Variants in TDRD3 observed in about 807,000 individuals in gnomAD.
The protein encoded by TDRD3 is tudor domain containing 3, also known as tudor domain-containing protein 3.
In TDRD3, 45 loss-of-function variants were observed where a neutral mutation model predicts 86.7. That is an observed-to-expected ratio of 0.52 (90% CI 0.41 to 0.67). The LOEUF is 0.67. TDRD3 is among the 30% of genes least tolerant of loss of function. TDRD3 has a pLI of 0.00. For synonymous variants in TDRD3, 298 were observed against 301.7 expected (o/e 0.99, Z 0.13); for missense variants, 814 against 889.0 (o/e 0.92, Z 1.07).
At position 60,509,930 on chromosome 13, in the gene TDRD3, T is replaced by G; in HGVS notation, c.1015+11T>G. ...GTCCTCCTCTGAGAGGTATAATTTA[T>G]TAAGCAGTGTGCCAGATAGTATTGT... is the stretch of plus-strand genomic sequence containing the variant. On this transcript the variant is annotated intron_variant, in intron 9 of 13. Transcript: ENST00000377881. 6.2e-7 allele frequency: 1 copy of G among 1,612,158 alleles called. No homozygotes were observed. Among genetic ancestry groups the G allele is most frequent in the Non-Finnish European group, 8.5e-7 (1 of 1,179,042 alleles).
At chr13:60,502,686 G>T (rs1416528881) in intron 8 of TDRD3, among the ~76,000 whole-genome samples, 1 of 152,080 alleles carries the variant, frequency 6.6e-6, no homozygotes, top group African/African-American at 2.4e-5. Flanking sequence ...GGAGCTCCTG[G>T]TCCTGTTAGA....
chr13:60,480,942 G>T (rs1210088704), intron 5 of TDRD3, among the ~76,000 whole-genome samples: 2 of 152,096 alleles, frequency 1.3e-5, no homozygotes, highest in Non-Finnish European at 2.9e-5. Context: ...TGGTAGTTGG[G>T]TTGTCTTGGG....
chr13:60,541,836 TCTTGCCTCAACCTC>T, intron 12 of TDRD3, among the ~76,000 whole-genome samples: 1 of 146,454 alleles, frequency 6.8e-6, no homozygotes, highest in Non-Finnish European at 1.5e-5. Flanking sequence ...CAAGCAATTC[TCTTGCCTCAACCTC>T]CTGAGTAGCT....
chr13:60,554,771 A>T (rs1217616446), intron 12 of TDRD3, among the ~76,000 whole-genome samples: 1 of 152,212 alleles, frequency 6.6e-6, no homozygotes, highest in Admixed American at 6.5e-5. Flanking sequence ...CACATATTTG[A>T]TATGATCATA....
intron 12 of TDRD3, among the ~76,000 whole-genome samples, chr13:60,551,814 C>T (rs1209369304): frequency 6.6e-6 from 1 of 152,070 alleles, no homozygotes; most frequent in Non-Finnish European, 1.5e-5. Context: ...AAACAAGCAC[C>T]TTCTTCATGA....
intron 1 of TDRD3, chr13:60,434,185 T>C (rs959331948): frequency 1.3e-5 from 2 of 152,112 alleles, no homozygotes; most frequent in Non-Finnish European, 1.5e-5. Context: ...TTTGAGCACT[T>C]AAGGCTGGGT....
At chr13:60,495,384 A>T (rs1164706848) in intron 8 of TDRD3, among the ~76,000 whole-genome samples, 1 of 152,220 alleles carries the variant, frequency 6.6e-6, no homozygotes, top group Non-Finnish European at 1.5e-5. Flanking sequence ...AGAAAGAGTA[A>T]TTCATGCAGA....
intron 11 of TDRD3, among the ~76,000 whole-genome samples, chr13:60,531,957 C>T (rs1385751251): frequency 1.3e-5 from 2 of 152,112 alleles, no homozygotes; most frequent in East Asian, 3.9e-4. Flanking sequence ...CAAATCATAA[C>T]TGAGTAGCTA....
At chr13:60,402,839 C>T (rs1954138729) in intron 1 of TDRD3, among the ~76,000 whole-genome samples, 1 of 152,006 alleles carries the variant, frequency 6.6e-6, no homozygotes, top group Non-Finnish European at 1.5e-5. Flanking sequence ...CAGGCATGCG[C>T]CACCACGCCT....
rs1055947318 is a variant in TDRD3 at position 60,556,098 on chromosome 13, G to A, written c.2119-11427G>A. On this transcript the variant is annotated intron_variant, in intron 12 of 13. Transcript: ENST00000377881. ...CCTGACCTCGTGATCTGCCTGCCTCGGCCTCCCAAAGTGCTGGGATTACAG... is the reference window on the plus strand; with the variant it reads ...CCTGACCTCGTGATCTGCCTGCCTCAGCCTCCCAAAGTGCTGGGATTACAG... Among the ~76,000 whole-genome samples the A allele has an allele frequency of 1.3e-4, 20 of 152,060 alleles. No homozygotes were observed. In the South Asian group the frequency reaches 2.3e-3, roughly 17 times the overall value.
At chr13:60,445,798 T>G (rs1222397882) in intron 3 of TDRD3, among the ~76,000 whole-genome samples, 1 of 152,170 alleles carries the variant, frequency 6.6e-6, no homozygotes, top group African/African-American at 2.4e-5. Flanking sequence ...TGTACATCCT[T>G]ACATTATTTT....
At chr13:60,432,584 A>G (rs573286898) in intron 1 of TDRD3, among the ~76,000 whole-genome samples, 114 of 152,270 alleles carry the variant, frequency 7.5e-4, no homozygotes, top group African/African-American at 2.4e-3. Flanking sequence ...ATTACAATCA[A>G]TTTACACTAT....
chr13:60,556,734 A>T (rs1443387231), intron 12 of TDRD3, among the ~76,000 whole-genome samples: 1 of 152,206 alleles, frequency 6.6e-6, no homozygotes, highest in Non-Finnish European at 1.5e-5. Flanking sequence ...GTACTAGGTT[A>T]TGCAGAATGG....
At chr13:60,416,325 A>G (rs1049501127) in intron 1 of TDRD3, among the ~76,000 whole-genome samples, 4 of 152,290 alleles carry the variant, frequency 2.6e-5, no homozygotes, top group Non-Finnish European at 4.4e-5. Context: ...ACAGATTTAC[A>G]AAACAGTGAT....
intron 12 of TDRD3, chr13:60,537,034 A>G (rs192501977): frequency 2.4e-4 from 36 of 152,126 alleles, no homozygotes; most frequent in Admixed American, 2.0e-3. Flanking sequence ...CTTCCTACTT[A>G]TTTGTGAATA....
intron 1 of TDRD3, 127 bp downstream of exon 1, chr13:60,397,532 C>A (rs555910488): frequency 1.1e-4 from 71 of 672,320 alleles, no homozygotes; most frequent in Non-Finnish European, 1.4e-4. Context: ...GGCCTCTCCC[C>A]GGGCCCTTCG....
At chr13:60,464,701 G>C (rs1390448573) in intron 4 of TDRD3, among the ~76,000 whole-genome samples, 1 of 151,978 alleles carries the variant, frequency 6.6e-6, no homozygotes, top group African/African-American at 2.4e-5. Flanking sequence ...AATAAACCAG[G>C]CACAGAAAGA....
At chr13:60,401,524 T>G (rs1954102019) in intron 1 of TDRD3, among the ~76,000 whole-genome samples, 1 of 152,222 alleles carries the variant, frequency 6.6e-6, no homozygotes, top group African/African-American at 2.4e-5. Flanking sequence ...CACTGTATTG[T>G]GTGTCTTTGC....
rs905360302 is a variant in TDRD3, at chr13:60,397,244, C to T, written c.-121C>T. The T allele has an allele frequency of 2.6e-5, 14 of 544,646 alleles. No homozygotes were observed. In the East Asian group the frequency reaches 4.5e-4, roughly 18 times the overall value. 33.7% of individuals were successfully genotyped at this position (544,646 alleles called of 1,614,324 possible). ...CACTGAGCATGCCCAGTTGCAGAGC[C>T]GACCAGAGGAGTTTTTTCTTTTCTT... On this transcript the variant is annotated 5_prime_UTR_variant, in exon 1 of 14. Coordinates refer to ENST00000377881, the MANE Select transcript of TDRD3 (RefSeq NM_001146070.2).
Sources: gnomAD v4.1 joint callset for allele counts (sites outside exome capture counted in the v4.1 genomes callset) on GRCh38, gnomAD v4.1.1 for gene constraint, MANE v1.5 for transcripts, NCBI Gene and HGNC (gene_info 2026-07-23, HGNC 2026-07-21) for gene names.